The following KIAA1614 variants were observed in gnomAD, a reference collection of about 807,000 sequenced individuals.
The protein encoded by KIAA1614 is uncharacterized protein KIAA1614.
Under a neutral mutation model 88.7 loss-of-function variants are expected in KIAA1614, and 76 were observed. The observed-to-expected ratio is 0.86, with a 90% CI of 0.71 to 1.04. The LOEUF (loss-of-function observed/expected upper bound fraction) is 1.04. KIAA1614 is among the 50% of genes least tolerant of loss of function. KIAA1614 has a pLI of 0.00. For missense variants in KIAA1614, 1,553 were observed against 1,582.5 expected (o/e 0.98, Z 0.32); for synonymous variants, 714 against 675.5 (o/e 1.06, Z -0.88).
Position 180,936,411 on chromosome 1 carries a change from TGACCA to T in KIAA1614, c.2506_2510del (p.Gln836ArgfsTer19), listed in dbSNP as rs1654335015. 2 of 1,614,056 alleles carry T rather than the reference TGACCA, an allele frequency of 1.2e-6. No homozygotes were observed. The highest frequency in any genetic ancestry group is 2.7e-5 in the African/African-American group (2 of 74,928). ...CCCTGGCTGGACTGCTCAGGCTGGGTGACCAGACAGAGCCTGTGGGTATCCCTCGG... is the reference window on the plus strand; with the variant it reads ...CCCTGGCTGGACTGCTCAGGCTGGGTGACAGAGCCTGTGGGTATCCCTCGG... On this transcript the variant is annotated frameshift_variant, in exon 5 of 9. Transcript: ENST00000367588. LOFTEE classifies it high-confidence loss of function.
rs976965612 is a variant in KIAA1614, at chr1:180,945,690, C to T, written c.*102C>T. The T allele has an allele frequency of 9.1e-6, 13 of 1,427,132 alleles. No homozygotes were observed. Among genetic ancestry groups the T allele is most frequent in the African/African-American group, 4.4e-5 (3 of 67,792 alleles). 88.4% of individuals were successfully genotyped at this position (1,427,132 alleles called of 1,614,324 possible). On this transcript the variant is annotated 3_prime_UTR_variant, in exon 9 of 9. Transcript: ENST00000367588. ...GTCCAGGGCTCTCTAGGAGTCTGCA[C>T]CTGCAGAGCCTTTGCCCTAGGCAAC...
chr1:180,945,157 CTT>C, intron 8 of KIAA1614, 144 bp from the exon 9 acceptor site: 1 of 1,007,958 alleles, frequency 9.9e-7, no homozygotes, highest in Non-Finnish European at 1.4e-6. Flanking sequence ...CTAGCAGGCT[CTT>C]TTTGCTGGCT....
intron 4 of KIAA1614, 130 bp from the exon 5 acceptor site, chr1:180,934,985 C>T: frequency 1.7e-6 from 1 of 586,658 alleles, no homozygotes; most frequent in East Asian, 3.5e-5. Context: ...TCTGGAGTAA[C>T]CTTGTGGGTT....
At chr1:180,924,690 G>T (rs1248013665) in intron 3 of KIAA1614, among the ~76,000 whole-genome samples, 1 of 152,022 alleles carries the variant, frequency 6.6e-6, no homozygotes, top group Non-Finnish European at 1.5e-5. Flanking sequence ...GCCCTGTCAA[G>T]GGCTTTTCAA....
At chr1:180,924,295 C>A (rs1326966333) in intron 3 of KIAA1614, among the ~76,000 whole-genome samples, 1 of 152,216 alleles carries the variant, frequency 6.6e-6, no homozygotes, top group Non-Finnish European at 1.5e-5. Flanking sequence ...GGCCACTGGT[C>A]CCCCATCGGA....
intron 3 of KIAA1614, among the ~76,000 whole-genome samples, chr1:180,926,176 A>G (rs1384206453): frequency 6.6e-6 from 1 of 152,254 alleles, no homozygotes; most frequent in Admixed American, 6.5e-5. Flanking sequence ...GGAATTTTCC[A>G]GAGCAACTCT....
chr1:180,918,717 G>A (rs577092304), intron 3 of KIAA1614, among the ~76,000 whole-genome samples: 21 of 152,312 alleles, frequency 1.4e-4, no homozygotes, highest in East Asian at 1.2e-3. Context: ...GGCAGAGGTC[G>A]ACACGGTTGC....
intron 3 of KIAA1614, among the ~76,000 whole-genome samples, chr1:180,921,362 G>A (rs896085192): frequency 3.9e-5 from 6 of 152,188 alleles, no homozygotes; most frequent in African/African-American, 1.2e-4. Flanking sequence ...GGACATAAAG[G>A]TGCAGGTCAC....
chr1:180,930,296 G>C (rs1298728441), intron 4 of KIAA1614, among the ~76,000 whole-genome samples: 1 of 152,106 alleles, frequency 6.6e-6, no homozygotes, highest in Non-Finnish European at 1.5e-5. Context: ...GCGGGCACCT[G>C]TAGTCCCAGC....
At chr1:180,920,234 C>T (rs1488669238) in intron 3 of KIAA1614, among the ~76,000 whole-genome samples, 4 of 152,242 alleles carry the variant, frequency 2.6e-5, no homozygotes, top group Admixed American at 2.6e-4. Context: ...CTCCCTCTCT[C>T]CCCGGAGCAG....
intron 3 of KIAA1614, among the ~76,000 whole-genome samples, chr1:180,926,474 GAAAA>G (rs60582450): frequency 2.4e-5 from 3 of 126,866 alleles, no homozygotes; most frequent in Non-Finnish European, 1.7e-5. Flanking sequence ...CAGCTGATGA[GAAAA>G]AAAAAAAAAA....
intron 8 of KIAA1614, chr1:180,945,037 C>A: frequency 2.0e-6 from 1 of 495,356 alleles, no homozygotes; most frequent in Non-Finnish European, 3.5e-6. Flanking sequence ...TTACAAAGGT[C>A]TCTGTACCCC....
At chr1:180,934,044 C>T (rs975101159) in intron 4 of KIAA1614, among the ~76,000 whole-genome samples, 6 of 152,204 alleles carry the variant, frequency 3.9e-5, no homozygotes, top group African/African-American at 1.2e-4. Flanking sequence ...CACCTGAGGT[C>T]GGGAGTTCAA....
At chr1:180,936,780 T>TACA in intron 5 of KIAA1614, 110 bp downstream of exon 5, 1 of 691,894 alleles carries the variant, frequency 1.4e-6, no homozygotes, top group Non-Finnish European at 2.3e-6. Context: ...CCCTTTTATC[T>TACA]CAATAGTCAG....
intron 2 of KIAA1614, 23 bp downstream of exon 2, chr1:180,917,123 AGGT>A: frequency 6.3e-7 from 1 of 1,579,954 alleles, no homozygotes; most frequent in South Asian, 1.1e-5. Context: ...GTGTAGGTCC[AGGT>A]GGTGGGGGGA....
At chr1:180,917,633 C>T (rs757043267) in intron 2 of KIAA1614, among the ~76,000 whole-genome samples, 8 of 152,172 alleles carry the variant, frequency 5.3e-5, no homozygotes, top group Admixed American at 3.9e-4. Flanking sequence ...CATTCATCAC[C>T]GCATGCCTGA....
intron 7 of KIAA1614, among the ~76,000 whole-genome samples, chr1:180,942,002 C>T (rs1334363566): frequency 6.6e-6 from 1 of 152,160 alleles, no homozygotes; most frequent in East Asian, 1.9e-4. Flanking sequence ...CAGGCACACG[C>T]CCCTCAGGGA....
chr1:180,928,928 A>T (rs1030821204), intron 4 of KIAA1614, among the ~76,000 whole-genome samples: 4 of 152,226 alleles, frequency 2.6e-5, no homozygotes, highest in African/African-American at 4.8e-5. Context: ...TCCACCTGGA[A>T]AGGACAGGTG....
chr1:180,943,550 C>CTTTTTTTTTTTTTTTTTTTTTTTTTTTT (rs60128001), intron 7 of KIAA1614, among the ~76,000 whole-genome samples: 2 of 98,220 alleles, frequency 2.0e-5, no homozygotes, highest in East Asian at 3.2e-4. Flanking sequence ...GGTAGTAGAT[C>CTTTTTTTTTTTTTTTTTTTTTTTTTTTT]TTTTTTTTTT....
Sources: gnomAD v4.1 joint callset for allele counts (sites outside exome capture counted in the v4.1 genomes callset) on GRCh38, gnomAD v4.1.1 for gene constraint, MANE v1.5 for transcripts, NCBI Gene and HGNC (gene_info 2026-07-23, HGNC 2026-07-21) for gene names.